Variants in HADHB observed in about 807,000 individuals in gnomAD.
HADHB encodes the protein trifunctional enzyme subunit beta, mitochondrial.
Under a neutral mutation model 61.9 loss-of-function variants are expected in HADHB, and 50 were observed. That is an observed-to-expected ratio of 0.81 (90% CI 0.64 to 1.02). The LOEUF (loss-of-function observed/expected upper bound fraction) is 1.02. Among genes scored for constraint, HADHB ranks in the 50% least tolerant of loss-of-function variants. HADHB has a pLI of 0.00. For missense variants in HADHB, 504 were observed against 586.5 expected (o/e 0.86, Z 1.45); for synonymous variants, 191 against 201.6 (o/e 0.95, Z 0.45).
In HADHB at chr2:26,273,263, A is replaced by AT. The variant is rs572778103; in HGVS notation, c.255-380dup. On this transcript the variant is annotated intron_variant, in intron 5 of 15. Transcript: ENST00000317799. The stretch of plus-strand genomic sequence containing the variant: ...CATACCCAGGACTTCTTTTTTTTTA[A>AT]TTTTTTTTAATAGTCTTAAGGGAGA... Among the ~76,000 whole-genome samples the AT allele has an allele frequency of 6.2e-3, 946 of 151,840 alleles. 8 individuals are homozygous for AT. Among genetic ancestry groups the AT allele is most frequent in the African/African-American group, 0.021 (882 of 41,402 alleles).
chr2:26,255,482 G>C (rs543984918), intron 3 of HADHB, among the ~76,000 whole-genome samples: 1 of 149,106 alleles, frequency 6.7e-6, no homozygotes, highest in African/African-American at 2.5e-5. Context: ...CTGGGTGACA[G>C]AGCGAGACTC....
chr2:26,252,588 A>G (rs921948805), intron 1 of HADHB, among the ~76,000 whole-genome samples: 1 of 152,214 alleles, frequency 6.6e-6, no homozygotes, highest in East Asian at 1.9e-4. Flanking sequence ...GAATGATAGC[A>G]TGCTGTACAG....
chr2:26,279,877 G>C (rs891425161), intron 9 of HADHB, 117 bp from the exon 10 acceptor site: 1 of 745,252 alleles, frequency 1.3e-6, no homozygotes, highest in Non-Finnish European at 2.3e-6. Context: ...TTTCCTTCTA[G>C]TGAATAGGTA....
chr2:26,263,500 T>C, intron 4 of HADHB, 21 bp downstream of exon 4: 9 of 1,437,708 alleles, frequency 6.3e-6, no homozygotes, highest in Non-Finnish European at 8.8e-6. Context: ...CATGATCATA[T>C]TATTTTTTTC....
At position 26,284,220 on chromosome 2, in the gene HADHB, G is replaced by A; in HGVS notation, c.1149+16G>A. 1 of 1,297,500 alleles carries A rather than the reference G, an allele frequency of 7.7e-7. No homozygotes were observed. Among genetic ancestry groups the A allele is most frequent in the Non-Finnish European group, 1.1e-6 (1 of 891,542 alleles). The allele number at this position is 1,297,500 out of a possible 1,614,324, so 80.4% of individuals were successfully genotyped here. A position where few individuals can be genotyped will look rare whatever the true frequency, so the allele number is the denominator to read the frequency against. ...AGCTTTCTCGGTAAGTAATTTGAAAGACACATATGAAGGGACTATAGTCAT... is the reference window on the plus strand; with the variant it reads ...AGCTTTCTCGGTAAGTAATTTGAAAAACACATATGAAGGGACTATAGTCAT... On this transcript the variant is annotated intron_variant, in intron 13 of 15. Transcript: ENST00000317799.
chr2:26,265,245 T>C (rs1287353623), intron 4 of HADHB, among the ~76,000 whole-genome samples: 1 of 152,152 alleles, frequency 6.6e-6, no homozygotes, highest in Admixed American at 6.5e-5. Flanking sequence ...GAAGACTTTT[T>C]TTGTAAGGAT....
chr2:26,284,300 T>C, intron 13 of HADHB, 96 bp downstream of exon 13: 1 of 803,174 alleles, frequency 1.2e-6, no homozygotes, highest in South Asian at 1.3e-5. Context: ...ATGATGTGAG[T>C]AGAGCAGGAG....
At chr2:26,283,630 T>A (rs1219770611) in intron 12 of HADHB, among the ~76,000 whole-genome samples, 1 of 152,206 alleles carries the variant, frequency 6.6e-6, no homozygotes, top group Non-Finnish European at 1.5e-5. Flanking sequence ...TACATATATA[T>A]ATGGACACAC....
intron 3 of HADHB, 186 bp downstream of exon 3, chr2:26,254,660 T>C: frequency 1.8e-6 from 1 of 565,008 alleles, no homozygotes; most frequent in Non-Finnish European, 3.2e-6. Context: ...CTACATTATT[T>C]AGGATTAGGC....
intron 1 of HADHB, among the ~76,000 whole-genome samples, chr2:26,252,507 T>C (rs1671439742): frequency 6.6e-6 from 1 of 152,218 alleles, no homozygotes; most frequent in African/African-American, 2.4e-5. Flanking sequence ...TTTTAACATC[T>C]TTATTATACT....
intron 15 of HADHB, among the ~76,000 whole-genome samples, chr2:26,288,525 A>T (rs1308164372): frequency 6.6e-6 from 1 of 151,936 alleles, no homozygotes; most frequent in African/African-American, 2.4e-5. Flanking sequence ...CCTGGACAAC[A>T]TGGCAAAACC....
At chr2:26,277,573 A>G (rs186653482) in intron 7 of HADHB, among the ~76,000 whole-genome samples, 1 of 152,266 alleles carries the variant, frequency 6.6e-6, no homozygotes, top group East Asian at 1.9e-4. Context: ...ATTAGCACAG[A>G]TCTCTATACT....
At chr2:26,247,708 A>G (rs1480983245) in intron 1 of HADHB, among the ~76,000 whole-genome samples, 1 of 152,208 alleles carries the variant, frequency 6.6e-6, no homozygotes, top group Non-Finnish European at 1.5e-5. Context: ...ACGATACAGC[A>G]TAACGACTAT....
intron 15 of HADHB, among the ~76,000 whole-genome samples, chr2:26,285,848 G>T (rs1374035920): frequency 6.9e-6 from 1 of 145,520 alleles, no homozygotes; most frequent in African/African-American, 2.5e-5. Flanking sequence ...GGTGATTCTC[G>T]TGCCTCAGCC....
At chr2:26,267,824 C>T (rs1672159741) in intron 4 of HADHB, among the ~76,000 whole-genome samples, 1 of 151,178 alleles carries the variant, frequency 6.6e-6, no homozygotes. Flanking sequence ...ACAAGTCTTC[C>T]TTACAGAAGA....
intron 1 of HADHB, among the ~76,000 whole-genome samples, chr2:26,253,236 T>TA (rs1475315305): frequency 6.6e-6 from 1 of 152,216 alleles, no homozygotes; most frequent in Non-Finnish European, 1.5e-5. Context: ...TTTTTTAACA[T>TA]ATAGGGTTAT....
intron 1 of HADHB, among the ~76,000 whole-genome samples, chr2:26,246,951 T>C (rs753215733): frequency 3.9e-5 from 6 of 152,206 alleles, no homozygotes; most frequent in Admixed American, 2.0e-4. Context: ...TGGGTGTGCG[T>C]GCGTGTGTGT....
chr2:26,260,666 G>A (rs1052376649), intron 3 of HADHB: 1 of 263,492 alleles, frequency 3.8e-6, no homozygotes, highest in Non-Finnish European at 7.3e-6. Flanking sequence ...ACATCACAAA[G>A]CTAAGGGTTT....
At chr2:26,260,081 G>GGTTT (rs965472525) in intron 3 of HADHB, among the ~76,000 whole-genome samples, 9 of 133,564 alleles carry the variant, frequency 6.7e-5, no homozygotes, top group African/African-American at 2.5e-4. Flanking sequence ...GTTTTTTCTG[G>GGTTT]TTTTTTTTTT....
Sources: allele counts gnomAD v4.1 joint callset (sites outside exome capture counted in the v4.1 genomes callset), GRCh38; gene constraint gnomAD v4.1.1; transcripts MANE v1.5; gene names NCBI Gene and HGNC (gene_info 2026-07-23, HGNC 2026-07-21).